RGS6: variants seen among roughly 807,000 people sequenced by gnomAD.
The protein encoded by RGS6 is regulator of G protein signaling 6.
Under a neutral mutation model 78.5 loss-of-function variants are expected in RGS6, and 30 were observed. That is an observed-to-expected ratio of 0.38 (90% CI 0.29 to 0.52). RGS6 has a LOEUF of 0.52. RGS6 is among the 20% of genes least tolerant of loss of function. RGS6 has a pLI of 0.85. For missense variants in RGS6, 495 were observed against 609.7 expected (o/e 0.81, Z 1.98); for synonymous variants, 206 against 206.0 (o/e 1.00, Z 0.00).
At chr14:72,343,644 T>G (rs1006549729) in intron 2 of RGS6, among the ~76,000 whole-genome samples, 2 of 151,750 alleles carry the variant, frequency 1.3e-5, no homozygotes, top group Admixed American at 6.6e-5. Flanking sequence ...TTTTCGTATC[T>G]TCTTCCACTC....
chr14:72,051,703 T>C (rs1241236725), intron 2 of RGS6, among the ~76,000 whole-genome samples: 1 of 152,156 alleles, frequency 6.6e-6, no homozygotes, highest in East Asian at 1.9e-4. Context: ...CATCTCATTG[T>C]AAAATCCAGT....
At chr14:71,870,082 T>G in the RGS6 span, among the ~76,000 whole-genome samples, 1 of 152,220 alleles carries the variant, frequency 6.6e-6, no homozygotes, top group South Asian at 2.1e-4. Flanking sequence ...CCCAAAGGGC[T>G]AAACTGTCTA....
At position 72,313,671 on chromosome 14, in the gene RGS6, T is replaced by C. The variant is rs557319385; in HGVS notation, c.85-38424T>C. 2.0e-5 allele frequency among the ~76,000 whole-genome samples: 3 copies of C among 152,284 alleles called. No individual in the cohort carries two copies. The East Asian group carries it at 5.8e-4, about 29-fold the overall frequency. Reference sequence around the variant, plus strand: ...ATCTCTATGTCTGTATTTCCCAAGTTCTTTCAAAGATAACCCAATAAAATA... The same window carrying C: ...ATCTCTATGTCTGTATTTCCCAAGTCCTTTCAAAGATAACCCAATAAAATA... On this transcript the variant is annotated intron_variant, in intron 2 of 17. Transcript: ENST00000553525.
intron 13 of RGS6, among the ~76,000 whole-genome samples, chr14:72,502,662 C>A (rs998363241): frequency 1.3e-5 from 2 of 152,044 alleles, no homozygotes; most frequent in Admixed American, 6.6e-5. Context: ...TACTCGGGAG[C>A]CTGAGGCAGG....
In RGS6 at chr14:72,249,417, T is replaced by G. The variant is rs75285542; in HGVS notation, c.85-102678T>G. Among the ~76,000 whole-genome samples the G allele has an allele frequency of 3.5e-3, 529 of 152,318 alleles. 3 individuals are homozygous for G. The highest frequency in any genetic ancestry group is 0.011 in the African/African-American group (474 of 41,574). ...AGGGATGTCCTGTATAGATGTAAAT[T>G]TATGTTACAAAAGGGTAACTTTTCA... is the stretch of plus-strand genomic sequence containing the variant. On this transcript the variant is annotated intron_variant, in intron 2 of 17. Transcript: ENST00000553525.
At chr14:72,380,665 A>G (rs2085835219) in intron 3 of RGS6, among the ~76,000 whole-genome samples, 1 of 152,124 alleles carries the variant, frequency 6.6e-6, no homozygotes, top group African/African-American at 2.4e-5. Context: ...CATAAAGACA[A>G]AAATAACAAA....
At chr14:72,264,411 T>A (rs1265205777) in intron 2 of RGS6, among the ~76,000 whole-genome samples, 1 of 152,208 alleles carries the variant, frequency 6.6e-6, no homozygotes, top group East Asian at 1.9e-4. Context: ...GAGTGGTTAC[T>A]GGGGGGCAAA....
chr14:72,326,943 G>C (rs565887641), intron 2 of RGS6, among the ~76,000 whole-genome samples: 5 of 152,202 alleles, frequency 3.3e-5, no homozygotes, highest in East Asian at 3.9e-4. Flanking sequence ...TCCTGACCTC[G>C]TGATCTGCCC....
chr14:72,095,641 C>A (rs17179567), intron 2 of RGS6, among the ~76,000 whole-genome samples: 1 of 152,140 alleles, frequency 6.6e-6, no homozygotes, highest in South Asian at 2.1e-4. Flanking sequence ...CAAACAAAGA[C>A]GAGAGCATTC....
chr14:72,292,303 C>T (rs970273916), intron 2 of RGS6, among the ~76,000 whole-genome samples: 2 of 152,216 alleles, frequency 1.3e-5, no homozygotes, highest in African/African-American at 4.8e-5. Context: ...GAACCTGTAT[C>T]TGGTGTATCA....
At chr14:72,178,354 C>A (rs2097132802) in intron 2 of RGS6, among the ~76,000 whole-genome samples, 1 of 152,202 alleles carries the variant, frequency 6.6e-6, no homozygotes, top group Admixed American at 6.5e-5. Flanking sequence ...AGGAGGGACA[C>A]CCCTTTCCCC....
intron 15 of RGS6, among the ~76,000 whole-genome samples, chr14:72,533,458 A>G (rs1452784102): frequency 6.6e-6 from 1 of 152,248 alleles, no homozygotes; most frequent in Admixed American, 6.5e-5. Flanking sequence ...CCTATGGATC[A>G]AGAAGTAATT....
At chr14:72,599,403 T>TGG in the RGS6 span, among the ~76,000 whole-genome samples, 2 of 96,630 alleles carry the variant, frequency 2.1e-5, no homozygotes, top group African/African-American at 3.8e-5. Context: ...CTTTTTTTTT[T>TGG]TTTTTTTTTT....
intron 3 of RGS6, among the ~76,000 whole-genome samples, chr14:72,395,830 G>A (rs2091119850): frequency 6.6e-6 from 1 of 152,048 alleles, no homozygotes; most frequent in South Asian, 2.1e-4. Context: ...ATGGTTTCCA[G>A]CTTCATCCAT....
At chr14:71,926,401 T>C in the RGS6 span, among the ~76,000 whole-genome samples, 3 of 152,090 alleles carry the variant, frequency 2.0e-5, no homozygotes, top group African/African-American at 7.2e-5. Context: ...CTGGCCAACA[T>C]GGCAAAACCC....
At chr14:72,455,428 C>T (rs924826476) in intron 4 of RGS6, among the ~76,000 whole-genome samples, 2 of 152,198 alleles carry the variant, frequency 1.3e-5, no homozygotes, top group South Asian at 4.1e-4. Flanking sequence ...GCATCCGTGA[C>T]CTTCAGCTGT....
intron 2 of RGS6, among the ~76,000 whole-genome samples, chr14:72,349,023 A>G (rs2078610592): frequency 6.6e-6 from 1 of 151,932 alleles, no homozygotes; most frequent in African/African-American, 2.4e-5. Flanking sequence ...AAAATTAGCC[A>G]GGCGTGGTGG....
upstream of RGS6, among the ~76,000 whole-genome samples, chr14:71,931,502 G>T (rs538442375): frequency 3.3e-5 from 5 of 152,252 alleles, no homozygotes; most frequent in African/African-American, 1.2e-4. Flanking sequence ...TTAACTTCTG[G>T]ACCCATGTGA....
chr14:72,590,223 GTTTGGT>G, the RGS6 span, among the ~76,000 whole-genome samples: 1 of 152,228 alleles, frequency 6.6e-6, no homozygotes, highest in African/African-American at 2.4e-5. Flanking sequence ...TTGGAGAAGA[GTTTGGT>G]AAGTTCTCAT....
Sources: allele counts gnomAD v4.1 joint callset (sites outside exome capture counted in the v4.1 genomes callset), GRCh38; gene constraint gnomAD v4.1.1; transcripts MANE v1.5; gene names NCBI Gene and HGNC (gene_info 2026-07-23, HGNC 2026-07-21).